EYA4: variants seen among roughly 807,000 people sequenced by gnomAD.
EYA4 encodes the protein protein phosphatase EYA4.
In EYA4, 31 loss-of-function variants were observed where a neutral mutation model predicts 87.9. The observed-to-expected ratio is 0.35, with a 90% CI of 0.27 to 0.48. The LOEUF (loss-of-function observed/expected upper bound fraction) is 0.48. EYA4 is among the 20% of genes least tolerant of loss of function. EYA4 has a pLI of 0.99. For missense variants in EYA4, 678 were observed against 761.4 expected (o/e 0.89, Z 1.29); for synonymous variants, 263 against 270.6 (o/e 0.97, Z 0.28).
chr6:133,308,714 G>A (rs560389865), intron 2 of EYA4, among the ~76,000 whole-genome samples: 15 of 152,248 alleles, frequency 9.9e-5, no homozygotes, highest in African/African-American at 2.4e-4. Context: ...GCCTCCAGCC[G>A]CATCCATGTT....
At chr6:133,347,250 C>T (rs1350444623) in intron 2 of EYA4, among the ~76,000 whole-genome samples, 1 of 152,184 alleles carries the variant, frequency 6.6e-6, no homozygotes, top group Non-Finnish European at 1.5e-5. Flanking sequence ...TGCATTTCCC[C>T]ACAGTTTCAT....
chr6:133,259,541 G>A (rs949534636), intron 1 of EYA4, among the ~76,000 whole-genome samples: 1 of 152,144 alleles, frequency 6.6e-6, no homozygotes, highest in Non-Finnish European at 1.5e-5. Flanking sequence ...GGAATTTATT[G>A]AGAGGAAAAA....
chr6:133,348,577 T>A (rs958927498), intron 2 of EYA4, among the ~76,000 whole-genome samples: 9 of 152,076 alleles, frequency 5.9e-5, no homozygotes, highest in Admixed American at 2.0e-4. Context: ...AAGTTTTTAA[T>A]GTTGGATACT....
At chr6:133,489,575 A>AT (rs1267358836) in intron 13 of EYA4, among the ~76,000 whole-genome samples, 2 of 152,128 alleles carry the variant, frequency 1.3e-5, no homozygotes, top group Non-Finnish European at 2.9e-5. Context: ...TGGAAACCTT[A>AT]TAGGCTAGGA....
chr6:133,437,789 C>T (rs2128601836), intron 3 of EYA4, among the ~76,000 whole-genome samples: 1 of 152,292 alleles, frequency 6.6e-6, no homozygotes. Context: ...ACCATCAGAT[C>T]TTGTGAGAAC....
intron 2 of EYA4, among the ~76,000 whole-genome samples, chr6:133,327,491 A>G (rs1027226213): frequency 2.0e-5 from 3 of 152,206 alleles, no homozygotes. Flanking sequence ...AAAATAAATT[A>G]AAGCCATATA....
At chr6:133,496,136 T>A (rs1367803582) in intron 13 of EYA4, among the ~76,000 whole-genome samples, 4 of 152,200 alleles carry the variant, frequency 2.6e-5, no homozygotes, top group African/African-American at 9.7e-5. Flanking sequence ...TGATGATTAG[T>A]TAAGTCAGGA....
At chr6:133,335,693 T>C (rs1782312705) in intron 2 of EYA4, among the ~76,000 whole-genome samples, 1 of 152,116 alleles carries the variant, frequency 6.6e-6, no homozygotes, top group African/African-American at 2.4e-5. Flanking sequence ...GGGGAAATAA[T>C]GTGCACACTC....
intron 2 of EYA4, among the ~76,000 whole-genome samples, chr6:133,308,544 C>T (rs1471094842): frequency 1.3e-5 from 2 of 152,158 alleles, no homozygotes. Context: ...TCTCTCCCTC[C>T]TTCCCCTTTC....
chr6:133,311,865 A>G (rs549810421), intron 2 of EYA4, among the ~76,000 whole-genome samples: 1 of 145,948 alleles, frequency 6.9e-6, no homozygotes, highest in Non-Finnish European at 1.5e-5. Context: ...TAAGAATGAG[A>G]GAAGAAAAAG....
chr6:133,402,482 A>G (rs1010851675), intron 3 of EYA4, among the ~76,000 whole-genome samples: 6 of 152,188 alleles, frequency 3.9e-5, no homozygotes, highest in Non-Finnish European at 8.8e-5. Flanking sequence ...ATAACTCAGT[A>G]TTATATAAAA....
intron 18 of EYA4, 42 bp from the exon 19 acceptor site, chr6:133,525,112 C>G (rs761833510): frequency 1.2e-6 from 2 of 1,613,542 alleles, no homozygotes; most frequent in South Asian, 2.2e-5. Flanking sequence ...ATGCCGCTAA[C>G]CAGGTAACTT....
chr6:133,321,389 T>G (rs1467956758), intron 2 of EYA4, among the ~76,000 whole-genome samples: 1 of 152,210 alleles, frequency 6.6e-6, no homozygotes, highest in Non-Finnish European at 1.5e-5. Context: ...AGATAGATGA[T>G]GGAGCCTCTC....
At chr6:133,391,962 C>T (rs1243794177) in intron 3 of EYA4, among the ~76,000 whole-genome samples, 1 of 152,184 alleles carries the variant, frequency 6.6e-6, no homozygotes, top group Non-Finnish European at 1.5e-5. Flanking sequence ...TTAGAGACAA[C>T]TCAATGGCTA....
chr6:133,410,637 TCC>T (rs1789140567), intron 3 of EYA4, among the ~76,000 whole-genome samples: 5 of 149,704 alleles, frequency 3.3e-5, no homozygotes, highest in Admixed American at 6.7e-5. Context: ...AGGTCTTAAT[TCC>T]TTCTATCAAT....
At chr6:133,243,492 A>T (rs926131346) in intron 1 of EYA4, among the ~76,000 whole-genome samples, 1 of 152,134 alleles carries the variant, frequency 6.6e-6, no homozygotes, top group Non-Finnish European at 1.5e-5. Context: ...GCTCCCCATC[A>T]GCAGCTTCTG....
chr6:133,483,517 G>C (rs550489067), intron 13 of EYA4, among the ~76,000 whole-genome samples: 1 of 151,798 alleles, frequency 6.6e-6, no homozygotes, highest in East Asian at 1.9e-4. Flanking sequence ...GTAATCTTTC[G>C]TCTGACAGAT....
At chr6:133,315,006 C>T (rs1172440453) in intron 2 of EYA4, among the ~76,000 whole-genome samples, 1 of 152,112 alleles carries the variant, frequency 6.6e-6, no homozygotes, top group Non-Finnish European at 1.5e-5. Context: ...AGAGAACATT[C>T]TATATAAACT....
At chr6:133,396,163 T>G (rs958082018) in intron 3 of EYA4, among the ~76,000 whole-genome samples, 1 of 152,186 alleles carries the variant, frequency 6.6e-6, no homozygotes, top group Non-Finnish European at 1.5e-5. Context: ...TTTTTTAGGC[T>G]TGGCTTCCAT....
Sources: gnomAD v4.1 joint callset for allele counts (sites outside exome capture counted in the v4.1 genomes callset) on GRCh38, gnomAD v4.1.1 for gene constraint, MANE v1.5 for transcripts, NCBI Gene and HGNC (gene_info 2026-07-23, HGNC 2026-07-21) for gene names.